FGD6: variants seen among roughly 807,000 people sequenced by gnomAD.
The protein encoded by FGD6 is FYVE, RhoGEF and PH domain containing 6.
Under a neutral mutation model 149.4 loss-of-function variants are expected in FGD6, and 90 were observed. That is an observed-to-expected ratio of 0.60 (90% CI 0.51 to 0.72). The LOEUF (loss-of-function observed/expected upper bound fraction) is 0.72, where lower values mean the gene tolerates loss of function less well. Among genes scored for constraint, FGD6 ranks in the 30% least tolerant of loss-of-function variants. The probability of loss-of-function intolerance (pLI) is 0.00; values close to 1 mark genes in which losing one functional copy is unlikely to be tolerated. For missense variants in FGD6, 1,437 were observed against 1,684.8 expected (o/e 0.85, Z 2.57); for synonymous variants, 527 against 584.0 (o/e 0.90, Z 1.41).
At chr12:95,163,452 T>C (rs1880705648) in intron 3 of FGD6, among the ~76,000 whole-genome samples, 1 of 152,196 alleles carries the variant, frequency 6.6e-6, no homozygotes. Context: ...CTTAACCCAG[T>C]AGACTGTGTT....
intron 8 of FGD6, among the ~76,000 whole-genome samples, chr12:95,133,935 T>C (rs1451097797): frequency 6.6e-6 from 1 of 152,194 alleles, no homozygotes; most frequent in Non-Finnish European, 1.5e-5. Flanking sequence ...AGCAAGTTCC[T>C]TCACTCAAAC....
chr12:95,107,322 A>G (rs1427734546), intron 12 of FGD6, among the ~76,000 whole-genome samples: 1 of 152,224 alleles, frequency 6.6e-6, no homozygotes, highest in Non-Finnish European at 1.5e-5. Context: ...TAAACAAATG[A>G]TTAGAACAAT....
intron 2 of FGD6, 101 bp from the exon 3 acceptor site, chr12:95,172,845 T>G (rs1210609102): frequency 3.8e-5 from 37 of 965,150 alleles, no homozygotes; most frequent in Non-Finnish European, 5.2e-5. Flanking sequence ...GCAAACAAGA[T>G]ATATCTAAGG....
At chr12:95,130,372 C>A (rs1197371803) in intron 8 of FGD6, among the ~76,000 whole-genome samples, 1 of 152,146 alleles carries the variant, frequency 6.6e-6, no homozygotes, top group African/African-American at 2.4e-5. Flanking sequence ...AAACTTAAAA[C>A]AGCAAAGTTG....
At chr12:95,216,476 T>C (rs769606495) in intron 1 of FGD6, among the ~76,000 whole-genome samples, 21 of 152,290 alleles carry the variant, frequency 1.4e-4, no homozygotes, top group Admixed American at 5.9e-4. Context: ...GGTAATTATT[T>C]TGTAAAACAG....
At chr12:95,117,658 C>T (rs1208001034) in intron 8 of FGD6, among the ~76,000 whole-genome samples, 1 of 152,206 alleles carries the variant, frequency 6.6e-6, no homozygotes, top group African/African-American at 2.4e-5. Context: ...AACTCCTGAA[C>T]TCAAGTGATT....
intron 18 of FGD6, 131 bp from the exon 19 acceptor site, chr12:95,086,039 A>G (rs1877853809): frequency 1.1e-6 from 1 of 922,610 alleles, no homozygotes; most frequent in South Asian, 1.9e-5. Flanking sequence ...TATATTTTCA[A>G]AGTGCTACTA....
chr12:95,175,470 G>T (rs552167090), intron 2 of FGD6, among the ~76,000 whole-genome samples: 2 of 152,144 alleles, frequency 1.3e-5, no homozygotes, highest in Admixed American at 1.3e-4. Flanking sequence ...TCAGGGCCGG[G>T]TATGGTGGCT....
At chr12:95,147,313 C>G (rs1252980698) in intron 5 of FGD6, among the ~76,000 whole-genome samples, 4 of 152,188 alleles carry the variant, frequency 2.6e-5, no homozygotes, top group Admixed American at 2.6e-4. Context: ...ATTCTTCCCT[C>G]TCTATATGTA....
At chr12:95,159,417 A>G (rs1439129765) in intron 3 of FGD6, among the ~76,000 whole-genome samples, 1 of 152,264 alleles carries the variant, frequency 6.6e-6, no homozygotes, top group East Asian at 1.9e-4. Flanking sequence ...AAAACTGATA[A>G]ATGGAACTTC....
At chr12:95,097,634 C>CA (rs34057454) in intron 14 of FGD6, among the ~76,000 whole-genome samples, 4,931 of 43,048 alleles carry the variant, frequency 0.11, 651 homozygotes, top group East Asian at 0.19. Flanking sequence ...GACTCTGTCT[C>CA]AAAAAAAAAA....
chr12:95,153,944 T>TGA (rs1458526261), intron 3 of FGD6, among the ~76,000 whole-genome samples: 7 of 135,874 alleles, frequency 5.2e-5, no homozygotes, highest in African/African-American at 1.9e-4. Context: ...TGTGTGTGTG[T>TGA]GTGAGTGAGA....
chr12:95,080,459 G>A lies in FGD6; in HGVS notation c.*1061C>T, dbSNP rs983128908. 5 of 139,630 alleles carry A rather than the reference G, an allele frequency of 3.6e-5. No homozygotes were observed. The highest frequency in any genetic ancestry group is 2.8e-4 in the Admixed American group (4 of 14,520). The allele number at this position is 139,630 out of a possible 1,614,324, so 8.6% of individuals were successfully genotyped here. On this transcript the variant is annotated 3_prime_UTR_variant, in exon 21 of 21. Transcript: ENST00000343958. ...TGCTGATAGCTGCTTATAGAGAAAGGATTTGTTGTTTTTTTTTTTAATTAG... is the reference window on the plus strand; with the variant it reads ...TGCTGATAGCTGCTTATAGAGAAAGAATTTGTTGTTTTTTTTTTTAATTAG...
rs544538081 is a variant in FGD6, at chr12:95,105,086, C to G, written c.3418G>C (p.Val1140Leu). 35 of 1,607,542 alleles carry G rather than the reference C, an allele frequency of 2.2e-5. 1 individual carries two copies. The African/African-American group carries it at 4.4e-4, about 20-fold the overall frequency. ...NNMLSLAGMK[V>L]RKPTQEAYQN... ...TAGGCTTCTTGGGTAGGTTTTCTGA[C>G]CTGGAAGAAAGCACAACAATTTGAG... The change falls in exon 14 of 21, where the codon GTC becomes CTC. Residue 1140 changes from valine to leucine, a missense_variant and splice_region_variant. Transcript: ENST00000343958.
At chr12:95,181,130 G>A (rs1234758274) in intron 2 of FGD6, among the ~76,000 whole-genome samples, 2 of 152,202 alleles carry the variant, frequency 1.3e-5, no homozygotes, top group Non-Finnish European at 2.9e-5. Context: ...GGTAGGAAGG[G>A]GAGATCTGGC....
chr12:95,202,873 T>C (rs2056670416), intron 2 of FGD6, among the ~76,000 whole-genome samples: 1 of 152,216 alleles, frequency 6.6e-6, no homozygotes, highest in South Asian at 2.1e-4. Context: ...TTTTTTACAT[T>C]TCCTGAGCTG....
chr12:95,081,406 C>G lies in FGD6; in HGVS notation c.*114G>C. 1.3e-6 allele frequency: 1 copy of G among 769,486 alleles called. No homozygotes were observed. The highest frequency in any genetic ancestry group is 1.9e-6 in the Non-Finnish European group (1 of 521,694). The allele number at this position is 769,486 out of a possible 1,614,324, so 47.7% of individuals were successfully genotyped here. A position where few individuals can be genotyped will look rare whatever the true frequency, so the allele number is the denominator to read the frequency against. The stretch of plus-strand genomic sequence containing the variant: ...CAAAACAATTTCTTTGATGAAGGGT[C>G]TGGTTGGCTTTATCTTGGCAGTGTT... On this transcript the variant is annotated 3_prime_UTR_variant, in exon 21 of 21. Transcript: ENST00000343958.
At chr12:95,193,780 C>T (rs1592871860) in intron 2 of FGD6, among the ~76,000 whole-genome samples, 2 of 152,160 alleles carry the variant, frequency 1.3e-5, no homozygotes, top group East Asian at 3.9e-4. Context: ...CCGCCTGCCT[C>T]GGCCTCCCAA....
At chr12:95,104,761 A>G (rs554677871) in intron 14 of FGD6, among the ~76,000 whole-genome samples, 1 of 152,124 alleles carries the variant, frequency 6.6e-6, no homozygotes, top group African/African-American at 2.4e-5. Flanking sequence ...AATATTTTTA[A>G]AGTTAGCCGG....
Sources: allele counts gnomAD v4.1 joint callset (sites outside exome capture counted in the v4.1 genomes callset), GRCh38; gene constraint gnomAD v4.1.1; transcripts MANE v1.5; gene names NCBI Gene and HGNC (gene_info 2026-07-23, HGNC 2026-07-21).